NRXN3: variants seen among roughly 807,000 people sequenced by gnomAD.
NRXN3 encodes neurexin III.
Under a neutral mutation model 137.6 loss-of-function variants are expected in NRXN3, and 32 were observed. That is an observed-to-expected ratio of 0.23 (90% CI 0.18 to 0.31). The LOEUF (loss-of-function observed/expected upper bound fraction) is 0.31, where lower values mean the gene tolerates loss of function less well. Ranked by LOEUF, NRXN3 falls within the 10% of genes least tolerant of loss-of-function variation. The pLI is 1.00. For missense variants in NRXN3, 1,574 were observed against 2,062.5 expected, an observed-to-expected ratio of 0.76 and a Z score of 4.59; for synonymous variants, 798 against 784.5, an observed-to-expected ratio of 1.02 and a Z score of -0.29.
intron 4 of NRXN3, among the ~76,000 whole-genome samples, chr14:78,330,305 G>A (rs2080645264): frequency 6.6e-6 from 1 of 152,032 alleles, no homozygotes; most frequent in Non-Finnish European, 1.5e-5. Flanking sequence ...TCCCCACAAT[G>A]TGCCTTATGA....
At chr14:79,792,918 T>C (rs551890261) in intron 19 of NRXN3, among the ~76,000 whole-genome samples, 21 of 152,326 alleles carry the variant, frequency 1.4e-4, no homozygotes, top group African/African-American at 3.8e-4. Context: ...TGGTCATCAT[T>C]CTTTTTCAAA....
At chr14:79,546,260 A>G (rs1418074828) in intron 16 of NRXN3, among the ~76,000 whole-genome samples, 1 of 152,170 alleles carries the variant, frequency 6.6e-6, no homozygotes, top group Non-Finnish European at 1.5e-5. Context: ...TGGGCCATAG[A>G]TTCCTTTATT....
chr14:79,388,165 T>C (rs532518364), intron 15 of NRXN3, among the ~76,000 whole-genome samples: 1 of 152,058 alleles, frequency 6.6e-6, no homozygotes, highest in South Asian at 2.1e-4. Flanking sequence ...TCTCTCTTGC[T>C]CCTCCTCTTG....
chr14:79,719,351 A>ATGTG (rs1278603287), intron 19 of NRXN3, among the ~76,000 whole-genome samples: 1 of 54,254 alleles, frequency 1.8e-5, no homozygotes, highest in East Asian at 3.9e-3. Context: ...ATATACACAT[A>ATGTG]TATGTGTATT....
chr14:78,530,234 T>C (rs1395164481), intron 4 of NRXN3, among the ~76,000 whole-genome samples: 4 of 152,186 alleles, frequency 2.6e-5, no homozygotes, highest in Non-Finnish European at 5.9e-5. Context: ...AGAGTCAGCT[T>C]ATTTGGAGAT....
chr14:79,740,111 A>T (rs1387364801), intron 19 of NRXN3, among the ~76,000 whole-genome samples: 2 of 152,154 alleles, frequency 1.3e-5, no homozygotes, highest in African/African-American at 2.4e-5. Flanking sequence ...ACTGTCCTCT[A>T]GCCCCTGAGC....
intron 10 of NRXN3, among the ~76,000 whole-genome samples, chr14:78,839,378 T>C (rs955570476): frequency 3.3e-5 from 5 of 152,156 alleles, no homozygotes; most frequent in African/African-American, 1.2e-4. Context: ...GAGGACACAG[T>C]CAGTCGTGAT....
intron 15 of NRXN3, among the ~76,000 whole-genome samples, chr14:79,260,987 A>G (rs537473016): frequency 3.3e-5 from 5 of 152,216 alleles, no homozygotes; most frequent in Non-Finnish European, 5.9e-5. Context: ...GCTGTCTGCA[A>G]AGATCCTAGG....
At chr14:79,436,671 T>C (rs1326338333) in intron 15 of NRXN3, among the ~76,000 whole-genome samples, 1 of 152,218 alleles carries the variant, frequency 6.6e-6, no homozygotes, top group Non-Finnish European at 1.5e-5. Flanking sequence ...TTGTTTTTAT[T>C]GGGCAGGCAG....
At chr14:79,414,992 C>G (rs1214582360) in intron 15 of NRXN3, among the ~76,000 whole-genome samples, 1 of 152,076 alleles carries the variant, frequency 6.6e-6, no homozygotes, top group Admixed American at 6.6e-5. Context: ...TTTTACTCTG[C>G]ATAATGTCCT....
At chr14:78,364,231 C>T (rs1365460276) in intron 4 of NRXN3, among the ~76,000 whole-genome samples, 1 of 152,166 alleles carries the variant, frequency 6.6e-6, no homozygotes, top group Non-Finnish European at 1.5e-5. Context: ...GGGCTTCTAG[C>T]CCATGTAAAG....
chr14:79,740,765 TATAA>T (rs2098960380), intron 19 of NRXN3, among the ~76,000 whole-genome samples: 1 of 114,332 alleles, frequency 8.7e-6, no homozygotes, highest in Non-Finnish European at 1.8e-5. Context: ...TATATATATA[TATAA>T]CCTTACTTCT....
chr14:78,615,627 A>T (rs1469756683), intron 4 of NRXN3, among the ~76,000 whole-genome samples: 1 of 151,822 alleles, frequency 6.6e-6, no homozygotes, highest in African/African-American at 2.4e-5. Context: ...AACAACAACA[A>T]CAATAACCAA....
At chr14:78,202,683 G>A (rs960779882) in intron 1 of NRXN3, among the ~76,000 whole-genome samples, 6 of 152,160 alleles carry the variant, frequency 3.9e-5, no homozygotes, top group East Asian at 1.9e-4. Flanking sequence ...GACACCCTGC[G>A]AGGGAAAACT....
At chr14:79,464,946 A>G (rs1442346309) in intron 15 of NRXN3, among the ~76,000 whole-genome samples, 1 of 152,152 alleles carries the variant, frequency 6.6e-6, no homozygotes, top group Non-Finnish European at 1.5e-5. Context: ...GCTGCTATCA[A>G]TTTTTTGACT....
chr14:79,308,227 T>C (rs2086476507), intron 15 of NRXN3, among the ~76,000 whole-genome samples: 1 of 152,180 alleles, frequency 6.6e-6, no homozygotes, highest in South Asian at 2.1e-4. Flanking sequence ...ATTTGGCTCA[T>C]AATACCATCT....
intron 15 of NRXN3, among the ~76,000 whole-genome samples, chr14:79,439,137 C>CTGCTGAGAAA (rs1567130380): frequency 6.6e-6 from 1 of 152,216 alleles, no homozygotes; most frequent in Admixed American, 6.5e-5. Flanking sequence ...TGCATGCCAC[C>CTGCTGAGAAA]CACCAAAGAG....
intron 4 of NRXN3, among the ~76,000 whole-genome samples, chr14:78,325,979 T>C (rs1032472370): frequency 1.3e-5 from 2 of 152,218 alleles, no homozygotes; most frequent in African/African-American, 4.8e-5. Context: ...ACTTGTATAC[T>C]TTTAGCACTG....
intron 4 of NRXN3, among the ~76,000 whole-genome samples, chr14:78,433,583 G>A (rs1460097677): frequency 6.6e-6 from 1 of 152,128 alleles, no homozygotes; most frequent in Non-Finnish European, 1.5e-5. Context: ...TCATTATCAA[G>A]GGAGAACATT....
Sources: allele counts gnomAD v4.1 joint callset (sites outside exome capture counted in the v4.1 genomes callset), GRCh38; gene constraint gnomAD v4.1.1; transcripts MANE v1.5; gene names NCBI Gene and HGNC (gene_info 2026-07-23, HGNC 2026-07-21).